DCST1: variants seen among roughly 807,000 people sequenced by gnomAD.
The protein encoded by DCST1 is DC-STAMP domain containing 1.
DCST1 carries 78 observed loss-of-function variants against 89.1 expected under a neutral mutation model. The ratio of observed to expected loss-of-function variants is 0.88; its 90% CI spans 0.73 to 1.06. DCST1 has a LOEUF of 1.06. Ranked by LOEUF, DCST1 falls within the 50% of genes least tolerant of loss-of-function variation. DCST1 has a pLI of 0.00. For missense variants in DCST1, 900 were observed against 928.6 expected, an observed-to-expected ratio of 0.97 and a Z score of 0.40; for synonymous variants, 364 against 371.9, an observed-to-expected ratio of 0.98 and a Z score of 0.24.
intron 4 of DCST1, among the ~76,000 whole-genome samples, chr1:155,036,902 G>A (rs1290840682): frequency 2.0e-5 from 3 of 152,250 alleles, no homozygotes; most frequent in East Asian, 1.9e-4. Flanking sequence ...GCACACGTCC[G>A]TGCCCTGCCA....
At chr1:155,050,552 G>T (rs1393870611) in intron 16 of DCST1, 65 bp from the exon 17 acceptor site, 53 of 1,482,416 alleles carry the variant, frequency 3.6e-5, no homozygotes, top group Non-Finnish European at 4.7e-5. Context: ...GACAGGAAAC[G>T]CTGTCCAGTT....
chr1:155,042,064 A>G lies in DCST1; in HGVS notation c.892+207A>G, dbSNP rs548464635. ...TCTGAGCTGTGGCTTTTCATCTGAAAGATGCGCATGGGCAGAATAACAGTA... is the reference window on the plus strand; with the variant it reads ...TCTGAGCTGTGGCTTTTCATCTGAAGGATGCGCATGGGCAGAATAACAGTA... On this transcript the variant is annotated intron_variant, in intron 8 of 16. Coordinates refer to ENST00000295542, the MANE Select transcript of DCST1 (RefSeq NM_152494.4). Among the ~76,000 whole-genome samples, 5 of 152,324 alleles carry G rather than the reference A, an allele frequency of 3.3e-5. 1 individual carries two copies. The highest frequency in any genetic ancestry group is 1.2e-4 in the African/African-American group (5 of 41,568).
chr1:155,049,481 C>T (rs1571574261), intron 16 of DCST1, among the ~76,000 whole-genome samples: 2 of 150,220 alleles, frequency 1.3e-5, no homozygotes, highest in East Asian at 3.9e-4. Context: ...GTGGCGTGAT[C>T]TTGGCTCACT....
Position 155,043,520 on chromosome 1 carries a change from G to A in DCST1, c.1172+11G>A, listed in dbSNP as rs903113797. The A allele has an allele frequency of 1.0e-5, 16 of 1,565,384 alleles. No homozygotes were observed. The highest frequency in any genetic ancestry group is 1.4e-5 in the African/African-American group (1 of 74,034). ...GCTGGTCCTGCATGCGTGAGCCATA[G>A]TCCCCACCCCAGCAGCCCCTCCTCT... On this transcript the variant is annotated intron_variant, in intron 10 of 16. Coordinates refer to ENST00000295542, the MANE Select transcript of DCST1 (RefSeq NM_152494.4).
intron 10 of DCST1, among the ~76,000 whole-genome samples, chr1:155,044,348 G>A (rs1660538063): frequency 6.6e-6 from 1 of 152,100 alleles, no homozygotes; most frequent in South Asian, 2.1e-4. Context: ...CCAGGTGTGG[G>A]GCACATGCCT....
At chr1:155,042,951 C>A in intron 9 of DCST1, 95 bp downstream of exon 9, 1 of 1,510,344 alleles carries the variant, frequency 6.6e-7, no homozygotes. Flanking sequence ...TGAGAGGGCA[C>A]AGGAAAGAGG....
intron 4 of DCST1, among the ~76,000 whole-genome samples, chr1:155,038,924 A>G (rs985334170): frequency 7.2e-5 from 11 of 152,262 alleles, no homozygotes; most frequent in African/African-American, 2.7e-4. Context: ...CAGGCGGTAC[A>G]TGACCAAGGG....
At chr1:155,036,925 A>C (rs965913447) in intron 4 of DCST1, among the ~76,000 whole-genome samples, 1 of 152,258 alleles carries the variant, frequency 6.6e-6, no homozygotes, top group Non-Finnish European at 1.5e-5. Context: ...CAGAGAAAGC[A>C]GTGCACCTTC....
chr1:155,048,018 G>T (rs767283358), intron 15 of DCST1, 39 bp from the exon 16 acceptor site: 1 of 1,613,264 alleles, frequency 6.2e-7, no homozygotes, highest in Non-Finnish European at 8.5e-7. Flanking sequence ...ATATTTGGGG[G>T]ATGCCTTTCT....
Position 155,050,710 on chromosome 1 carries a change from C to T in DCST1, c.1963C>T (p.Pro655Ser). Residue 655 changes from proline (P) to serine (S), a missense_variant, in exon 17 of 17, where the codon CCC becomes TCC. By Grantham distance (74) the Pro-to-Ser change is moderately conservative. Transcript: ENST00000295542. ...CGTGGTGTGCCAGGCACCCGAGACGCCCGAGTCCTACGTGTGCCGGACGCT... is the reference window on the plus strand; with the variant it reads ...CGTGGTGTGCCAGGCACCCGAGACGTCCGAGTCCTACGTGTGCCGGACGCT... ...RCVVCQAPETPESYVCRTLDC... is the reference protein window; with the variant it reads ...RCVVCQAPETSESYVCRTLDC... 1.9e-6 allele frequency: 3 copies of T among 1,608,364 alleles called. No individual in the cohort carries two copies. The highest frequency in any genetic ancestry group is 2.2e-5 in the East Asian group (1 of 44,590).
At chr1:155,050,176 A>G (rs1660852835) in intron 16 of DCST1, among the ~76,000 whole-genome samples, 1 of 152,310 alleles carries the variant, frequency 6.6e-6, no homozygotes, top group Middle Eastern at 3.4e-3. Context: ...GATGGCAGGG[A>G]GCATAGTGAA....
In DCST1 at chr1:155,047,271, T is replaced by C. The variant is rs1660681510; in HGVS notation, c.1571T>C (p.Leu524Pro). The change falls in exon 14 of 17, where the codon CTG (leucine) becomes CCG (proline). Residue 524 changes from leucine (L) to proline (P), a missense_variant. Physicochemically the swap from Leu to Pro is moderately conservative, Grantham distance 98. Transcript: ENST00000295542. ...ARLLRKTIGALNTSSETVMES... is the reference protein window; with the variant it reads ...ARLLRKTIGAPNTSSETVMES... ...CTTCTTCGAAAAACCATTGGGGCCC[T>C]GAACACCTCCTCAGAGACAGTGATG... The C allele has an allele frequency of 3.7e-6, 6 of 1,614,092 alleles. No homozygotes were observed. Among genetic ancestry groups the C allele is most frequent in the Non-Finnish European group, 4.2e-6 (5 of 1,179,964 alleles).
chr1:155,034,850 C>A, intron 4 of DCST1, 123 bp downstream of exon 4: 1 of 1,055,552 alleles, frequency 9.5e-7, no homozygotes, highest in Non-Finnish European at 1.4e-6. Flanking sequence ...TGGCTTCCGC[C>A]TCCTCCTGGG....
chr1:155,046,307 C>T (rs1331157021), intron 12 of DCST1, 53 bp from the exon 13 acceptor site: 6 of 1,613,874 alleles, frequency 3.7e-6, no homozygotes, highest in African/African-American at 2.7e-5. Context: ...GAGAGTGCTC[C>T]GTGCCCAGGC....
chr1:155,050,648 G>T lies in DCST1; in HGVS notation c.1901G>T (p.Gly634Val). ...CCGCTGGCGGATATCCTGCACCGCG[G>T]CTGCCCGCTCCTGCGCCGCTGGCTG... is the stretch of plus-strand genomic sequence containing the variant. ...RHPLADILHRGCPLLRRWLCR... is the reference protein window; with the variant it reads ...RHPLADILHRVCPLLRRWLCR... Residue 634 changes from glycine (G) to valine (V), a missense_variant, in exon 17 of 17, where the codon GGC becomes GTC. Coordinates refer to ENST00000295542, the MANE Select transcript of DCST1 (RefSeq NM_152494.4). 1 of 1,595,344 alleles carries T rather than the reference G, an allele frequency of 6.3e-7. No individual in the cohort carries two copies. Among genetic ancestry groups the T allele is most frequent in the Non-Finnish European group, 8.5e-7 (1 of 1,174,444 alleles).
chr1:155,049,417 A>ATTTTT (rs35719405), intron 16 of DCST1, among the ~76,000 whole-genome samples: 2 of 146,284 alleles, frequency 1.4e-5, no homozygotes, highest in African/African-American at 5.1e-5. Context: ...ATTGAATTGA[A>ATTTTT]TTTTTTTTTT....
intron 4 of DCST1, among the ~76,000 whole-genome samples, chr1:155,036,841 C>A (rs375485248): frequency 8.3e-4 from 127 of 152,350 alleles, no homozygotes; most frequent in African/African-American, 2.9e-3. Flanking sequence ...CCTTCAGGGG[C>A]CACCCACAGC....
rs1249778234 is a variant in DCST1, at chr1:155,046,479, C to A, written c.1488C>A (p.Ser496=). 6.2e-7 allele frequency: 1 copy of A among 1,614,020 alleles called. No individual in the cohort carries two copies. Among genetic ancestry groups the A allele is most frequent in the East Asian group, 2.2e-5 (1 of 44,882 alleles). The change falls in exon 13 of 17, where the codon TCC becomes TCA. Residue 496 remains serine (S), a synonymous_variant. Transcript: ENST00000295542. The part of the protein sequence containing the change: ...TIRHHSFLQY[S]FRSSHKLEVK... The stretch of plus-strand genomic sequence containing the variant: ...GCCACCACTCCTTCCTGCAGTACTC[C>A]TTCCGCAGTAAGCCCATCCCCCAGA...
chr1:155,041,649 G>A lies in DCST1; in HGVS notation c.748+36G>A, dbSNP rs1660444572. The A allele has an allele frequency of 1.9e-6, 3 of 1,613,826 alleles. No individual in the cohort carries two copies. The South Asian group carries it at 3.3e-5, about 18-fold the overall frequency. On this transcript the variant is annotated intron_variant, in intron 7 of 16. Coordinates refer to ENST00000295542, the MANE Select transcript of DCST1 (RefSeq NM_152494.4). ...TCCCTGGGGAGTGGAGGGTGGGGTG[G>A]GATGTGGGGCCAGCATTGTGGATCA...
Sources: gnomAD v4.1 joint callset for allele counts (sites outside exome capture counted in the v4.1 genomes callset) on GRCh38, gnomAD v4.1.1 for gene constraint, MANE v1.5 for transcripts, NCBI Gene and HGNC (gene_info 2026-07-23, HGNC 2026-07-21) for gene names.